The following NBPF20 variants were observed in gnomAD, a reference collection of about 807,000 sequenced individuals.
The protein encoded by NBPF20 is NBPF member 20, also known as NBPF family member NBPF20.
In NBPF20, 90 loss-of-function variants were observed where a neutral mutation model predicts 68.1. That is an observed-to-expected ratio of 1.32 (90% confidence interval 1.11 to 1.58). The LOEUF (loss-of-function observed/expected upper bound fraction) is 1.58. Ranked by LOEUF, NBPF20 falls within the 40% of genes most tolerant of loss-of-function variation. The pLI, the probability that NBPF20 is intolerant of heterozygous loss-of-function variation, is 0.00. For missense variants in NBPF20, 816 were observed against 601.2 expected, an observed-to-expected ratio of 1.36 and a Z score of -3.74; for synonymous variants, 290 against 228.1, an observed-to-expected ratio of 1.27 and a Z score of -2.45.
At chr1:145,404,064 AC>A (rs1390822385) in intron 2 of NBPF20, among the ~76,000 whole-genome samples, 1 of 117,504 alleles carries the variant, frequency 8.5e-6, no homozygotes, top group African/African-American at 3.5e-5. Flanking sequence ...TGAGGGACAG[AC>A]AAGACAAGCA....
intron 8 of NBPF20, 135 bp from the exon 14 acceptor site, chr1:145,394,070 C>A (rs1257822145): frequency 2.9e-6 from 2 of 685,380 alleles, no homozygotes; most frequent in Non-Finnish European, 5.3e-6. Context: ...GAGAAATATT[C>A]CAGTAGGCCT....
At chr1:145,309,213 T>C in exon 116 of NBPF20, 1 of 88,788 alleles carries the variant, frequency 1.1e-5, no homozygotes, top group Non-Finnish European at 1.9e-5. Flanking sequence ...CTGCAAGACT[T>C]CAGGCTCTAC....
intron 137 of NBPF20, 127 bp from the exon 143 acceptor site, chr1:145,291,896 A>C (rs186214068): frequency 0.021 from 33,304 of 1,570,442 alleles, 504 homozygotes; most frequent in Non-Finnish European, 0.026. Context: ...TAATGAGGTA[A>C]AAAAAAAATT....
chr1:145,292,009 T>A lies in NBPF20; in HGVS notation c.16698-240A>T, dbSNP rs183551436. Among the ~76,000 whole-genome samples the A allele has an allele frequency of 2.2e-3, 323 of 149,590 alleles. 13 individuals carry two copies. The highest frequency in any genetic ancestry group is 0.014 in the Middle Eastern group (4 of 290). ...CAGAGAGAGAGAGAAAGTGACCTAG[T>A]GAATTGCCCAGGTGACATACTGGTA... On this transcript the variant is annotated intron_variant, in intron 137 of 137. Coordinates refer to ENST00000369373, the Ensembl canonical transcript of NBPF20.
chr1:145,425,409 C>A, the NBPF20 span, among the ~76,000 whole-genome samples: 3 of 152,154 alleles, frequency 2.0e-5, no homozygotes, highest in Non-Finnish European at 4.4e-5. Flanking sequence ...CAGACGGCAG[C>A]CGCGCCGCCG....
chr1:145,410,902 CGTTTG>C, the NBPF20 span, among the ~76,000 whole-genome samples: 1 of 122,248 alleles, frequency 8.2e-6, no homozygotes, highest in South Asian at 2.5e-4. Flanking sequence ...CACACACACA[CGTTTG>C]TGTGTGTGTG....
chr1:145,408,737 T>C (rs1553668324), upstream of NBPF20, among the ~76,000 whole-genome samples: 2 of 152,044 alleles, frequency 1.3e-5, no homozygotes, highest in Non-Finnish European at 2.9e-5. Context: ...ACATGATATA[T>C]ATTTATTTAG....
the NBPF20 span, among the ~76,000 whole-genome samples, chr1:145,425,361 C>T: frequency 3.9e-5 from 6 of 152,076 alleles, no homozygotes; most frequent in East Asian, 1.9e-4. Context: ...ACCTCGGAAA[C>T]GCTGGGTGGA....
upstream of NBPF20, among the ~76,000 whole-genome samples, chr1:145,410,450 G>A (rs2101609089): frequency 6.7e-6 from 1 of 149,844 alleles, no homozygotes; most frequent in African/African-American, 2.4e-5. Context: ...AAGTAGCTAG[G>A]ACTACAGGCG....
rs1201703337 is a variant in NBPF20, at chr1:145,403,263, G to A, written c.231C>T (p.Phe77=). The stretch of plus-strand genomic sequence containing the variant: ...GCTGCTCTGCAAGCTTCTCCTCCTT[G>A]AACTGTCGCTCATTCCTCAGCATAG... The change falls in exon 3 of 138, where the codon TTC becomes TTT. Residue 77 remains phenylalanine, a synonymous_variant. Coordinates refer to ENST00000369373, the Ensembl canonical transcript of NBPF20. 75 of 1,612,154 alleles carry A rather than the reference G, an allele frequency of 4.7e-5. No individual in the cohort carries two copies. The African/African-American group carries it at 8.5e-4, about 18-fold the overall frequency.
At chr1:145,407,573 G>A (rs1357458174), upstream of NBPF20, among the ~76,000 whole-genome samples, 21 of 145,416 alleles carry the variant, frequency 1.4e-4, 1 homozygote, top group African/African-American at 4.6e-4. Context: ...TATATAACAC[G>A]TGTATATATA....
chr1:145,292,425 C>T (rs782021341), exon 137 of NBPF20: 3 of 700,248 alleles, frequency 4.3e-6, no homozygotes, highest in East Asian at 5.1e-5. Flanking sequence ...CTTTTCTTCC[C>T]CTTCTTCTTT....
exon 1 of NBPF20, chr1:145,405,429 A>C: frequency 1.3e-6 from 2 of 1,574,972 alleles, no homozygotes; most frequent in South Asian, 2.3e-5. Context: ...AAATGTGATC[A>C]CTCCCCACAG....
chr1:145,293,037 C>T (rs1553658561), intron 136 of NBPF20, among the ~76,000 whole-genome samples, 167 bp downstream of exon 141: 2 of 1,208 alleles, frequency 1.7e-3, no homozygotes, highest in African/African-American at 5.2e-3. Context: ...CCATCCCTTG[C>T]CTGGGCTTCC....
At chr1:145,403,403 T>A (rs1662618583) in intron 2 of NBPF20, 85 bp from the exon 8 acceptor site, 3 of 1,042,678 alleles carry the variant, frequency 2.9e-6, no homozygotes, top group Non-Finnish European at 3.0e-6. Flanking sequence ...GCCAGGTCCA[T>A]CCCAAGGACA....
chr1:145,425,326 C>T, the NBPF20 span, among the ~76,000 whole-genome samples: 1 of 151,800 alleles, frequency 6.6e-6, no homozygotes, highest in African/African-American at 2.4e-5. Context: ...GACTCACCGC[C>T]CGCCCGGCCT....
At chr1:145,334,906 G>C in intron 83 of NBPF20, among the ~76,000 whole-genome samples, 1 of 133,968 alleles carries the variant, frequency 7.5e-6, no homozygotes, top group South Asian at 2.5e-4. Flanking sequence ...CTGATGAAGG[G>C]GTCAAAGGAC....
At chr1:145,404,196 A>C (rs1482841706) in intron 2 of NBPF20, among the ~76,000 whole-genome samples, 2 of 149,838 alleles carry the variant, frequency 1.3e-5, no homozygotes, top group Non-Finnish European at 3.0e-5. Flanking sequence ...GTGCACCAGG[A>C]AACAGGACTT....
chr1:145,291,346 C>T, exon 138 of NBPF20: 7 of 1,244,154 alleles, frequency 5.6e-6, no homozygotes, highest in East Asian at 4.7e-5. Flanking sequence ...TAACGTGGGT[C>T]CATTGTCTTC....
Sources: gnomAD v4.1 joint callset for allele counts (sites outside exome capture counted in the v4.1 genomes callset) on GRCh38, gnomAD v4.1.1 for gene constraint, MANE v1.5 for transcripts, NCBI Gene and HGNC (gene_info 2026-07-23, HGNC 2026-07-21) for gene names.